LAMA2: variants seen among roughly 807,000 people sequenced by gnomAD.
LAMA2 encodes laminin subunit alpha-2.
LAMA2 carries 269 observed loss-of-function variants against 364.8 expected under a neutral mutation model. The ratio of observed to expected loss-of-function variants is 0.74; its 90% CI spans 0.67 to 0.82. The LOEUF (loss-of-function observed/expected upper bound fraction) is 0.82, where lower values mean the gene tolerates loss of function less well. LAMA2 is among the 40% of genes least tolerant of loss of function. The pLI, the probability that LAMA2 is intolerant of heterozygous loss-of-function variation, is 0.00. For missense variants in LAMA2, 3,807 were observed against 3,873.2 expected, an observed-to-expected ratio of 0.98 and a Z score of 0.45; for synonymous variants, 1,379 against 1,370.6, an observed-to-expected ratio of 1.01 and a Z score of -0.14.
At chr6:129,168,976 G>A in intron 9 of LAMA2, among the ~76,000 whole-genome samples, 1 of 152,128 alleles carries the variant, frequency 6.6e-6, no homozygotes, top group Non-Finnish European at 1.5e-5. Flanking sequence ...TGTTGTTGTT[G>A]TATAAGAATG....
chr6:129,015,072 AT>A (rs2114702996), intron 1 of LAMA2, among the ~76,000 whole-genome samples: 1 of 152,284 alleles, frequency 6.6e-6, no homozygotes, highest in African/African-American at 2.4e-5. Context: ...TTTGTCTGAA[AT>A]TAAACTGAAT....
intron 1 of LAMA2, among the ~76,000 whole-genome samples, chr6:129,036,773 A>G (rs1445598546): frequency 1.3e-5 from 2 of 152,188 alleles, no homozygotes; most frequent in African/African-American, 4.8e-5. Flanking sequence ...GGAATAGAAT[A>G]CTTACTCTCT....
chr6:129,208,554 A>AAGAAAGAAAGAAAG (rs770522554), intron 12 of LAMA2, among the ~76,000 whole-genome samples: 9 of 135,192 alleles, frequency 6.7e-5, no homozygotes, highest in African/African-American at 2.0e-4. Flanking sequence ...AAGGAAGAGA[A>AAGAAAGAAAGAAAG]AGAAAGAAAG....
At chr6:129,385,072 A>G (rs1304383699) in intron 35 of LAMA2, among the ~76,000 whole-genome samples, 1 of 83,862 alleles carries the variant, frequency 1.2e-5, no homozygotes, top group Non-Finnish European at 2.4e-5. Context: ...GAGGGGAGGG[A>G]AGGAAGAGAG....
intron 34 of LAMA2, among the ~76,000 whole-genome samples, chr6:129,377,298 C>T (rs1175692441): frequency 6.6e-6 from 1 of 151,842 alleles, no homozygotes; most frequent in Non-Finnish European, 1.5e-5. Context: ...GATTTAAGTG[C>T]CAATATTATA....
intron 45 of LAMA2, among the ~76,000 whole-genome samples, chr6:129,447,638 A>G (rs1308117647): frequency 6.6e-6 from 1 of 152,252 alleles, no homozygotes; most frequent in African/African-American, 2.4e-5. Context: ...AGCTTTGAGC[A>G]TGGAACACAG....
chr6:129,062,860 C>A (rs1294162555), intron 3 of LAMA2, among the ~76,000 whole-genome samples: 1 of 148,450 alleles, frequency 6.7e-6, no homozygotes, highest in African/African-American at 2.5e-5. Flanking sequence ...GTATCTTAAA[C>A]ATAACAGAAA....
At chr6:129,477,991 T>C (rs1784157798) in intron 53 of LAMA2, among the ~76,000 whole-genome samples, 1 of 95,880 alleles carries the variant, frequency 1.0e-5, no homozygotes, top group Non-Finnish European at 2.6e-5. Context: ...TCTCACTCTG[T>C]TGCCTCAGGC....
chr6:129,153,014 G>A (rs1169013270), intron 7 of LAMA2, among the ~76,000 whole-genome samples: 3 of 152,030 alleles, frequency 2.0e-5, no homozygotes, highest in African/African-American at 7.2e-5. Context: ...GGAAATAAAT[G>A]TAAGTACTCC....
chr6:129,016,805 TTTTA>T (rs923433075), intron 1 of LAMA2, among the ~76,000 whole-genome samples: 13 of 151,744 alleles, frequency 8.6e-5, no homozygotes, highest in African/African-American at 2.9e-4. Context: ...ACATTGAGGT[TTTTA>T]TTTATTACAA....
intron 1 of LAMA2, among the ~76,000 whole-genome samples, chr6:128,962,185 T>TATATACATACACACACACAC (rs1214826895): frequency 9.6e-6 from 1 of 103,918 alleles, no homozygotes; most frequent in African/African-American, 3.7e-5. Flanking sequence ...TATATATATA[T>TATATACATACACACACACAC]ACACACATAC....
chr6:129,149,706 T>C (rs1172507238), intron 7 of LAMA2, among the ~76,000 whole-genome samples: 1 of 152,172 alleles, frequency 6.6e-6, no homozygotes, highest in East Asian at 1.9e-4. Flanking sequence ...ATATCCATGG[T>C]TTCTCCATCC....
intron 4 of LAMA2, among the ~76,000 whole-genome samples, chr6:129,099,034 C>T (rs1775348386): frequency 6.6e-6 from 1 of 151,284 alleles, no homozygotes; most frequent in Non-Finnish European, 1.5e-5. Flanking sequence ...ATTTTAGATT[C>T]ATTCATTGAT....
chr6:129,357,931 A>C (rs923107818), intron 32 of LAMA2, among the ~76,000 whole-genome samples: 1 of 152,020 alleles, frequency 6.6e-6, no homozygotes, highest in Non-Finnish European at 1.5e-5. Flanking sequence ...GATAAACATC[A>C]GTTGATCTCC....
intron 47 of LAMA2, among the ~76,000 whole-genome samples, chr6:129,455,418 A>C (rs2114793154): frequency 6.6e-6 from 1 of 152,316 alleles, no homozygotes; most frequent in East Asian, 1.9e-4. Flanking sequence ...ATACTCATAA[A>C]GTGCAGTTCT....
intron 40 of LAMA2, among the ~76,000 whole-genome samples, chr6:129,417,795 C>T (rs1033571375): frequency 2.6e-5 from 4 of 152,168 alleles, no homozygotes; most frequent in African/African-American, 4.8e-5. Context: ...GCTAGAGTGT[C>T]AGTGCTGCCC....
At chr6:129,306,012 A>G (rs758834462) in intron 22 of LAMA2, among the ~76,000 whole-genome samples, 12 of 152,104 alleles carry the variant, frequency 7.9e-5, no homozygotes, top group Non-Finnish European at 1.6e-4. Context: ...GAACCTTACA[A>G]CAGGAAACCT....
intron 4 of LAMA2, among the ~76,000 whole-genome samples, chr6:129,111,779 A>C (rs575217653): frequency 1.1e-4 from 16 of 152,168 alleles, no homozygotes; most frequent in African/African-American, 3.6e-4. Flanking sequence ...GGTGAATATT[A>C]AACTAAACCT....
At chr6:129,035,700 C>T (rs1319173176) in intron 1 of LAMA2, among the ~76,000 whole-genome samples, 1 of 151,822 alleles carries the variant, frequency 6.6e-6, no homozygotes, top group East Asian at 1.9e-4. Context: ...ACATAGGGTC[C>T]AGTTTCATTC....
Sources: allele counts gnomAD v4.1 joint callset (sites outside exome capture counted in the v4.1 genomes callset), GRCh38; gene constraint gnomAD v4.1.1; transcripts MANE v1.5; gene names NCBI Gene and HGNC (gene_info 2026-07-23, HGNC 2026-07-21).